ULK4: variants seen among roughly 807,000 people sequenced by gnomAD.
The protein encoded by ULK4 is inactive serine/threonine-protein kinase ULK4.
In ULK4, 133 loss-of-function variants were observed where a neutral mutation model predicts 160.6. That is an observed-to-expected ratio of 0.83 (90% CI 0.72 to 0.96). The LOEUF is 0.96. ULK4 is among the 40% of genes least tolerant of loss of function. The probability of loss-of-function intolerance (pLI) is 0.00; values close to 1 mark genes in which losing one functional copy is unlikely to be tolerated. For missense variants in ULK4, 1,580 were observed against 1,499.5 expected, an observed-to-expected ratio of 1.05 and a Z score of -0.89; for synonymous variants, 534 against 539.8, an observed-to-expected ratio of 0.99 and a Z score of 0.15.
At chr3:41,511,952 C>T (rs2085592149) in intron 32 of ULK4, among the ~76,000 whole-genome samples, 1 of 152,096 alleles carries the variant, frequency 6.6e-6, no homozygotes, top group Non-Finnish European at 1.5e-5. Context: ...GGTTTCATAC[C>T]AGGGACACAG....
chr3:41,412,752 G>A (rs2082434791), intron 34 of ULK4, among the ~76,000 whole-genome samples: 1 of 151,490 alleles, frequency 6.6e-6, no homozygotes, highest in South Asian at 2.1e-4. Context: ...GTAGAGACGG[G>A]GTTTTGCCAT....
intron 31 of ULK4, among the ~76,000 whole-genome samples, chr3:41,574,901 T>C (rs1043973120): frequency 1.3e-5 from 2 of 151,564 alleles, no homozygotes; most frequent in African/African-American, 2.4e-5. Context: ...GGGGCTTAAA[T>C]CTGGAAGGCT....
At chr3:41,306,380 C>T (rs555400626) in intron 35 of ULK4, among the ~76,000 whole-genome samples, 2 of 140,106 alleles carry the variant, frequency 1.4e-5, no homozygotes, top group East Asian at 4.5e-4. Flanking sequence ...CCAGCTGCCC[C>T]GTCCGGGAGG....
At chr3:41,644,549 G>C (rs2034389141) in intron 30 of ULK4, among the ~76,000 whole-genome samples, 1 of 152,162 alleles carries the variant, frequency 6.6e-6, no homozygotes, top group South Asian at 2.1e-4. Context: ...AAGCCCACTT[G>C]ATCATGGTGG....
intron 21 of ULK4, among the ~76,000 whole-genome samples, chr3:41,775,772 G>A (rs754793286): frequency 9.3e-5 from 14 of 150,478 alleles, no homozygotes; most frequent in East Asian, 7.8e-4. Flanking sequence ...TTATTATATC[G>A]CCCATATCCT....
chr3:41,482,284 A>G (rs1259334072), intron 32 of ULK4, among the ~76,000 whole-genome samples: 1 of 152,288 alleles, frequency 6.6e-6, no homozygotes, highest in East Asian at 1.9e-4. Context: ...GGCACTTCAG[A>G]AAAGGGTCTA....
At chr3:41,532,890 C>A (rs951726085) in intron 32 of ULK4, among the ~76,000 whole-genome samples, 1 of 152,188 alleles carries the variant, frequency 6.6e-6, no homozygotes, top group African/African-American at 2.4e-5. Context: ...AAATTACTGT[C>A]ATTAAGAGCT....
rs115795386 is a variant in ULK4, at chr3:41,383,520, A to T, written c.3678+14559T>A. Reference sequence around the variant, plus strand: ...CATCCCAAATTACCAAAGGAACCTGAAGCATTCTGCGCAGCAAAAGCTGCA... The same window carrying T: ...CATCCCAAATTACCAAAGGAACCTGTAGCATTCTGCGCAGCAAAAGCTGCA... On this transcript the variant is annotated intron_variant, in intron 35 of 36. Coordinates refer to ENST00000301831, the MANE Select transcript of ULK4 (RefSeq NM_017886.4). Among the ~76,000 whole-genome samples, 1,019 of 152,336 alleles carry T rather than the reference A, an allele frequency of 6.7e-3. 4 individuals are homozygous for T. The highest frequency in any genetic ancestry group is 0.015 in the East Asian group (79 of 5,188).
rs34582395 is a variant in ULK4 at position 41,746,272 on chromosome 3, C to CAAAAAAAAAAAAAAAAAAAA, written c.2321+8069_2321+8088dup. ...TATATAGAAAATCTCCTGGAACCCA[C>CAAAAAAAAAAAAAAAAAAAA]AAAAAAAAAAAAAAAAAAAAAAAAC... On this transcript the variant is annotated intron_variant, in intron 22 of 36. Transcript: ENST00000301831. Among the ~76,000 whole-genome samples, 6 of 45,728 alleles carry CAAAAAAAAAAAAAAAAAAAA rather than the reference C, an allele frequency of 1.3e-4. 1 individual carries two copies. Among genetic ancestry groups the CAAAAAAAAAAAAAAAAAAAA allele is most frequent in the African/African-American group, 6.4e-4 (6 of 9,382 alleles). 30.0% of individuals were successfully genotyped at this position (45,728 alleles called of 152,430 possible). A position where few individuals can be genotyped will look rare whatever the true frequency, so the allele number is the denominator to read the frequency against.
chr3:41,749,053 G>T (rs893923207), intron 22 of ULK4, among the ~76,000 whole-genome samples: 12 of 152,308 alleles, frequency 7.9e-5, no homozygotes, highest in African/African-American at 2.9e-4. Flanking sequence ...GCGATTTTAT[G>T]ATATGTTAGT....
Position 41,342,266 on chromosome 3 carries a change from G to A in ULK4, c.3678+55813C>T, listed in dbSNP as rs189814798. ...AGCCATGAGCCACTTCACAGTTTCC[G>A]GAGAGAGATCAGAATGGAGAGGAAA... On this transcript the variant is annotated intron_variant, in intron 35 of 36. Coordinates refer to ENST00000301831, the MANE Select transcript of ULK4 (RefSeq NM_017886.4). Among the ~76,000 whole-genome samples the A allele has an allele frequency of 4.5e-3, 679 of 152,266 alleles. 4 individuals are homozygous for A. The highest frequency in any genetic ancestry group is 7.7e-3 in the Non-Finnish European group (521 of 68,026).
chr3:41,847,682 G>C (rs1327927577), intron 17 of ULK4, among the ~76,000 whole-genome samples: 1 of 152,038 alleles, frequency 6.6e-6, no homozygotes, highest in African/African-American at 2.4e-5. Flanking sequence ...CACAAACAGA[G>C]CTAGGGCACA....
intron 29 of ULK4, among the ~76,000 whole-genome samples, chr3:41,677,369 T>C (rs1361228240): frequency 1.3e-5 from 2 of 151,546 alleles, no homozygotes; most frequent in Admixed American, 6.6e-5. Flanking sequence ...TCTTGCTCTG[T>C]TGCCCAGGCT....
intron 21 of ULK4, among the ~76,000 whole-genome samples, chr3:41,781,490 T>C (rs899589182): frequency 2.0e-5 from 3 of 152,192 alleles, no homozygotes; most frequent in African/African-American, 7.2e-5. Flanking sequence ...TTTTGGTCTT[T>C]AATGACTTTG....
rs959217624 is a variant in ULK4, at chr3:41,930,692, C to T, written c.541+1152G>A. 5.9e-5 allele frequency among the ~76,000 whole-genome samples: 9 copies of T among 152,226 alleles called. No homozygotes were observed. The South Asian group carries it at 1.9e-3, about 32-fold the overall frequency. On this transcript the variant is annotated intron_variant, in intron 5 of 36. Coordinates refer to ENST00000301831, the MANE Select transcript of ULK4 (RefSeq NM_017886.4). Reference sequence around the variant, plus strand: ...AAAGTGGGCAAAGGATATGAACAGACACTTCTCAAAATAAGACATTTATGC... The same window carrying T: ...AAAGTGGGCAAAGGATATGAACAGATACTTCTCAAAATAAGACATTTATGC...
intron 35 of ULK4, among the ~76,000 whole-genome samples, chr3:41,254,882 C>CA (rs371225940): frequency 0.036 from 4,350 of 120,778 alleles, 161 homozygotes; most frequent in African/African-American, 0.1. Flanking sequence ...GACTCCATCT[C>CA]AAAAAAAAAA....
At chr3:41,792,380 T>A (rs1442482663) in intron 20 of ULK4, among the ~76,000 whole-genome samples, 1 of 152,172 alleles carries the variant, frequency 6.6e-6, no homozygotes, top group South Asian at 2.1e-4. Flanking sequence ...CAAACAGTAT[T>A]GTTTAATTAT....
At chr3:41,816,099 GAC>G (rs201846844) in intron 19 of ULK4, among the ~76,000 whole-genome samples, 5 of 151,604 alleles carry the variant, frequency 3.3e-5, no homozygotes, top group East Asian at 1.9e-4. Context: ...CACACATACA[GAC>G]ACACACACAC....
chr3:41,355,222 A>C (rs1377884341), intron 35 of ULK4, among the ~76,000 whole-genome samples: 1 of 152,188 alleles, frequency 6.6e-6, no homozygotes, highest in Non-Finnish European at 1.5e-5. Flanking sequence ...AGATGCTTTG[A>C]GGTGGAATGG....
Sources: allele counts gnomAD v4.1 joint callset (sites outside exome capture counted in the v4.1 genomes callset), GRCh38; gene constraint gnomAD v4.1.1; transcripts MANE v1.5; gene names NCBI Gene and HGNC (gene_info 2026-07-23, HGNC 2026-07-21).